PXDNL: variants seen among roughly 807,000 people sequenced by gnomAD.
PXDNL encodes probable oxidoreductase PXDNL.
In PXDNL, 145 loss-of-function variants were observed where a neutral mutation model predicts 150.8. The observed-to-expected ratio is 0.96, with a 90% CI of 0.84 to 1.10. The LOEUF (loss-of-function observed/expected upper bound fraction) is 1.10. Among genes scored for constraint, PXDNL ranks in the 50% least tolerant of loss-of-function variants. The pLI is 0.00. For missense variants in PXDNL, 2,087 were observed against 1,873.9 expected, an observed-to-expected ratio of 1.11 and a Z score of -2.10; for synonymous variants, 757 against 725.7, an observed-to-expected ratio of 1.04 and a Z score of -0.69.
At chr8:51,489,345 C>T (rs1810839895) in intron 5 of PXDNL, among the ~76,000 whole-genome samples, 1 of 152,152 alleles carries the variant, frequency 6.6e-6, no homozygotes, top group South Asian at 2.1e-4. Flanking sequence ...GAGACAGGTT[C>T]TCACCCTTCA....
At chr8:51,454,499 A>G (rs1487990652) in intron 9 of PXDNL, among the ~76,000 whole-genome samples, 1 of 152,206 alleles carries the variant, frequency 6.6e-6, no homozygotes, top group African/African-American at 2.4e-5. Context: ...TTCATCAAGT[A>G]TACATGTAAA....
chr8:51,475,074 A>C lies in PXDNL; in HGVS notation c.592T>G (p.Phe198Val), dbSNP rs1412958505. Residue 198 changes from phenylalanine to valine, a missense_variant, in exon 7 of 23, where the codon TTT becomes GTT. Coordinates refer to ENST00000356297, the MANE Select transcript of PXDNL (RefSeq NM_144651.5). Reference sequence around the variant, plus strand: ...GCCTGGGTGTGGCCGTGTTGGGCAAAGCCTTGTAAAAGCTCCCCCAGCCAC... The same window carrying C: ...GCCTGGGTGTGGCCGTGTTGGGCAACGCCTTGTAAAAGCTCCCCCAGCCAC... ...LMWLGELLQGFAQHGHTQAAA... is the reference protein window; with the variant it reads ...LMWLGELLQGVAQHGHTQAAA... The C allele has an allele frequency of 6.2e-7, 1 of 1,613,932 alleles. No individual in the cohort carries two copies.
intron 1 of PXDNL, among the ~76,000 whole-genome samples, chr8:51,739,622 C>T (rs2036881857): frequency 6.6e-6 from 1 of 152,078 alleles, no homozygotes; most frequent in Non-Finnish European, 1.5e-5. Context: ...CGCCTGTAAT[C>T]CCAGCACTTT....
intron 2 of PXDNL, among the ~76,000 whole-genome samples, chr8:51,653,655 T>C (rs955574291): frequency 6.6e-6 from 1 of 152,192 alleles, no homozygotes; most frequent in Non-Finnish European, 1.5e-5. Flanking sequence ...GATAAAAATA[T>C]GTGTGTTCCG....
chr8:51,730,584 C>T (rs930306688), intron 1 of PXDNL, among the ~76,000 whole-genome samples: 1 of 152,168 alleles, frequency 6.6e-6, no homozygotes, highest in Non-Finnish European at 1.5e-5. Context: ...CCCTCTAATT[C>T]TCTAACGGAA....
At chr8:51,415,950 CAA>C in intron 14 of PXDNL, among the ~76,000 whole-genome samples, 1 of 151,884 alleles carries the variant, frequency 6.6e-6, no homozygotes, top group East Asian at 1.9e-4. Context: ...CTTATGTGTT[CAA>C]AAAAAGTCAG....
chr8:51,367,535 C>T (rs567900358), intron 19 of PXDNL, among the ~76,000 whole-genome samples: 24 of 152,186 alleles, frequency 1.6e-4, no homozygotes, highest in African/African-American at 5.8e-4. Context: ...ATTAAAAAGC[C>T]TATATCCTGT....
At chr8:51,323,902 G>A (rs1373257250) in intron 21 of PXDNL, among the ~76,000 whole-genome samples, 5 of 143,280 alleles carry the variant, frequency 3.5e-5, no homozygotes, top group African/African-American at 1.3e-4. Flanking sequence ...GGTGACAAGA[G>A]CAAAACTTCA....
chr8:51,770,845 A>G (rs942148949), intron 1 of PXDNL, among the ~76,000 whole-genome samples: 1 of 152,210 alleles, frequency 6.6e-6, no homozygotes, highest in African/African-American at 2.4e-5. Context: ...GCCGCTTGGC[A>G]GGCAGCTATC....
chr8:51,599,643 A>G (rs929721207), intron 2 of PXDNL, among the ~76,000 whole-genome samples: 1 of 146,090 alleles, frequency 6.8e-6, no homozygotes, highest in African/African-American at 2.5e-5. Context: ...AAATGATATC[A>G]TTTATATAAT....
At chr8:51,548,669 C>CA (rs997312645) in intron 4 of PXDNL, among the ~76,000 whole-genome samples, 2 of 151,904 alleles carry the variant, frequency 1.3e-5, no homozygotes, top group East Asian at 1.9e-4. Flanking sequence ...CCCAGCACTA[C>CA]AAAAAAATGC....
At chr8:51,755,834 G>A (rs2037094574) in intron 1 of PXDNL, among the ~76,000 whole-genome samples, 1 of 152,060 alleles carries the variant, frequency 6.6e-6, no homozygotes, top group Admixed American at 6.6e-5. Context: ...TTTCAGTATA[G>A]AGAAATTTCA....
chr8:51,762,639 C>T (rs940387799), intron 1 of PXDNL, among the ~76,000 whole-genome samples: 4 of 152,116 alleles, frequency 2.6e-5, no homozygotes, highest in Non-Finnish European at 5.9e-5. Flanking sequence ...TTGAGTTGTC[C>T]CACCTTTCTG....
rs142587209 is a variant in PXDNL at position 51,727,432 on chromosome 8, A to G, written c.165-72672T>C. Among the ~76,000 whole-genome samples the G allele has an allele frequency of 1.6e-4, 25 of 152,354 alleles. No homozygotes were observed. In the East Asian group the frequency reaches 4.4e-3, roughly 27 times the overall value. ...AAGTTAAACAATAATGCAAAATACT[A>G]TAAAAACATTTCTCTTCATGGCAAT... On this transcript the variant is annotated intron_variant, in intron 1 of 22. Transcript: ENST00000356297.
At chr8:51,661,066 C>T (rs1325386420) in intron 1 of PXDNL, among the ~76,000 whole-genome samples, 1 of 152,202 alleles carries the variant, frequency 6.6e-6, no homozygotes, top group African/African-American at 2.4e-5. Context: ...CTCCCTGTTG[C>T]TCTAAAACAA....
intron 4 of PXDNL, among the ~76,000 whole-genome samples, chr8:51,531,329 C>CTTTG (rs1282203505): frequency 6.6e-6 from 1 of 152,176 alleles, no homozygotes; most frequent in African/African-American, 2.4e-5. Flanking sequence ...TCTAACGAGT[C>CTTTG]TTTGCTTGCT....
At chr8:51,772,232 CTA>C (rs140234107) in intron 1 of PXDNL, among the ~76,000 whole-genome samples, 17,380 of 142,350 alleles carry the variant, frequency 0.12, 1,168 homozygotes, top group East Asian at 0.18. Flanking sequence ...CTCTCTCTCT[CTA>C]TATACACACA....
chr8:51,367,015 C>A (rs998248731), intron 19 of PXDNL, among the ~76,000 whole-genome samples: 1 of 139,988 alleles, frequency 7.1e-6, no homozygotes, highest in African/African-American at 2.6e-5. Flanking sequence ...GCAGGGGAAT[C>A]GCTTAAACCT....
At chr8:51,754,470 G>A (rs907721433) in intron 1 of PXDNL, among the ~76,000 whole-genome samples, 1 of 151,878 alleles carries the variant, frequency 6.6e-6, no homozygotes, top group African/African-American at 2.4e-5. Flanking sequence ...GCTTCCCTGA[G>A]AATGAGCTAG....
Sources: allele counts gnomAD v4.1 joint callset (sites outside exome capture counted in the v4.1 genomes callset), GRCh38; gene constraint gnomAD v4.1.1; transcripts MANE v1.5; gene names NCBI Gene and HGNC (gene_info 2026-07-23, HGNC 2026-07-21).